Variants in ADARB2 observed in about 807,000 individuals in gnomAD.
The protein encoded by ADARB2 is adenosine deaminase RNA specific B2 (inactive).
Under a neutral mutation model 62.2 loss-of-function variants are expected in ADARB2, and 25 were observed. The observed-to-expected ratio is 0.40, with a 90% confidence interval of 0.29 to 0.56. The LOEUF (loss-of-function observed/expected upper bound fraction) is 0.56, where lower values mean the gene tolerates loss of function less well. Ranked by LOEUF, ADARB2 falls within the 20% of genes least tolerant of loss-of-function variation. ADARB2 has a pLI of 0.43. For synonymous variants in ADARB2, 572 were observed against 500.8 expected (o/e 1.14, Z -1.90); for missense variants, 1,071 against 1,077.4 (o/e 0.99, Z 0.08).
At chr10:1,355,669 A>G (rs1392512400) in intron 3 of ADARB2, among the ~76,000 whole-genome samples, 1 of 152,214 alleles carries the variant, frequency 6.6e-6, no homozygotes, top group Non-Finnish European at 1.5e-5. Flanking sequence ...GAAAATTCCA[A>G]ACATGGTATT....
At chr10:1,559,921 C>G (rs1265528094) in intron 1 of ADARB2, among the ~76,000 whole-genome samples, 2 of 152,328 alleles carry the variant, frequency 1.3e-5, no homozygotes, top group East Asian at 1.9e-4. Context: ...CTCGGGGGAG[C>G]AGCGGGCTTC....
chr10:1,705,062 A>G (rs1834871874), intron 1 of ADARB2, among the ~76,000 whole-genome samples: 1 of 152,256 alleles, frequency 6.6e-6, no homozygotes, highest in South Asian at 2.1e-4. Context: ...CCATAATTTC[A>G]TTAAAAAAAT....
intron 1 of ADARB2, among the ~76,000 whole-genome samples, chr10:1,565,920 C>T (rs941058881): frequency 1.3e-5 from 2 of 152,150 alleles, no homozygotes; most frequent in Non-Finnish European, 2.9e-5. Context: ...CCCTATCAGC[C>T]ATCACCGTCT....
chr10:1,601,896 G>T (rs1308396577), intron 1 of ADARB2, among the ~76,000 whole-genome samples: 4 of 152,246 alleles, frequency 2.6e-5, no homozygotes, highest in Non-Finnish European at 5.9e-5. Context: ...AGCATTGAAT[G>T]TGAGGGGGTC....
rs7098774 is a variant in ADARB2, at chr10:1,180,434, C to G, written c.*2759G>C. On this transcript the variant is annotated 3_prime_UTR_variant, in exon 10 of 10. Coordinates refer to ENST00000381312, the MANE Select transcript of ADARB2 (RefSeq NM_018702.4). ...TCCTGGGACCCGGGTCTTCCAGGCA[C>G]ACCTGGGGCTGTGGGAATCCTGGGA... The G allele has an allele frequency of 6.9e-6, 1 of 145,868 alleles. No individual in the cohort carries two copies. Among genetic ancestry groups the G allele is most frequent in the African/African-American group, 2.5e-5 (1 of 39,370 alleles). 9.0% of individuals were successfully genotyped at this position (145,868 alleles called of 1,614,324 possible).
chr10:1,671,767 G>A (rs1834387886), intron 1 of ADARB2, among the ~76,000 whole-genome samples: 2 of 152,114 alleles, frequency 1.3e-5, no homozygotes, highest in Non-Finnish European at 2.9e-5. Flanking sequence ...CATACGCTGC[G>A]TCAAATTGAG....
At chr10:1,278,053 T>G (rs545724296) in intron 3 of ADARB2, among the ~76,000 whole-genome samples, 1 of 152,132 alleles carries the variant, frequency 6.6e-6, no homozygotes, top group East Asian at 1.9e-4. Flanking sequence ...CACTGCAACC[T>G]CCGCCTCCCA....
chr10:1,606,591 G>T (rs1364418085), intron 1 of ADARB2, among the ~76,000 whole-genome samples: 1 of 152,186 alleles, frequency 6.6e-6, no homozygotes, highest in East Asian at 1.9e-4. Context: ...GAGTCCCACA[G>T]GTGGTCAAGA....
chr10:1,205,514 C>T (rs1317232935), intron 7 of ADARB2, among the ~76,000 whole-genome samples: 1 of 152,194 alleles, frequency 6.6e-6, no homozygotes, highest in South Asian at 2.1e-4. Context: ...CAGGAGCTCA[C>T]ACAGGTCAGG....
intron 3 of ADARB2, among the ~76,000 whole-genome samples, chr10:1,285,713 G>C (rs1229289739): frequency 6.6e-6 from 1 of 152,188 alleles, no homozygotes; most frequent in African/African-American, 2.4e-5. Context: ...CAAATTACCA[G>C]CATTATTCAC....
intron 1 of ADARB2, among the ~76,000 whole-genome samples, chr10:1,439,950 T>G (rs1264519234): frequency 6.9e-6 from 1 of 145,630 alleles, no homozygotes; most frequent in African/African-American, 2.6e-5. Context: ...GGCTCCTGAG[T>G]CTCCTCGGTG....
intron 1 of ADARB2, among the ~76,000 whole-genome samples, chr10:1,721,996 G>A (rs986626754): frequency 2.0e-5 from 3 of 152,090 alleles, no homozygotes; most frequent in African/African-American, 7.2e-5. Context: ...ATATTTAAAG[G>A]TTTAAAATGT....
intron 1 of ADARB2, among the ~76,000 whole-genome samples, chr10:1,733,943 G>C (rs1005835003): frequency 2.7e-4 from 34 of 127,470 alleles, no homozygotes; most frequent in African/African-American, 9.4e-4. Flanking sequence ...CATGTGTCAT[G>C]GGATATGAAC....
intron 1 of ADARB2, among the ~76,000 whole-genome samples, chr10:1,451,637 C>G (rs1831040379): frequency 6.7e-6 from 1 of 150,146 alleles, no homozygotes. Context: ...GAGAAGGGGA[C>G]ACACCTGTAT....
chr10:1,595,700 C>T (rs1833323861), intron 1 of ADARB2, among the ~76,000 whole-genome samples: 1 of 152,220 alleles, frequency 6.6e-6, no homozygotes, highest in Non-Finnish European at 1.5e-5. Context: ...TGCATGGTGC[C>T]TGTCTTCACA....
At chr10:1,536,427 G>A (rs2131964509) in intron 1 of ADARB2, among the ~76,000 whole-genome samples, 1 of 152,318 alleles carries the variant, frequency 6.6e-6, no homozygotes, top group Admixed American at 6.5e-5. Context: ...GATAGCAGCT[G>A]AGTGGGCTAA....
intron 3 of ADARB2, among the ~76,000 whole-genome samples, chr10:1,276,705 A>C (rs977995745): frequency 1.1e-4 from 17 of 152,202 alleles, no homozygotes; most frequent in Non-Finnish European, 2.2e-4. Context: ...AACGAGACAT[A>C]AAGTTAACAA....
intron 3 of ADARB2, among the ~76,000 whole-genome samples, chr10:1,342,396 G>A (rs1832038141): frequency 2.0e-5 from 3 of 152,220 alleles, no homozygotes; most frequent in Admixed American, 6.5e-5. Context: ...CCGCTTGGTT[G>A]TCTGCTCACA....
chr10:1,633,343 A>G (rs929516834), intron 1 of ADARB2, among the ~76,000 whole-genome samples: 1 of 152,210 alleles, frequency 6.6e-6, no homozygotes, highest in African/African-American at 2.4e-5. Context: ...GCAATGCTCC[A>G]TAGTTCAAAA....
Sources: allele counts gnomAD v4.1 joint callset (sites outside exome capture counted in the v4.1 genomes callset), GRCh38; gene constraint gnomAD v4.1.1; transcripts MANE v1.5; gene names NCBI Gene and HGNC (gene_info 2026-07-23, HGNC 2026-07-21).